Variants in LCORL observed in about 807,000 individuals in gnomAD.
The protein encoded by LCORL is ligand dependent nuclear receptor corepressor like.
Under a neutral mutation model 141.8 loss-of-function variants are expected in LCORL, and 41 were observed. The observed-to-expected ratio is 0.29, with a 90% CI of 0.23 to 0.38. LCORL has a LOEUF of 0.38. LCORL is among the 10% of genes least tolerant of loss of function. The pLI is 1.00. For missense variants in LCORL, 1,759 were observed against 2,035.0 expected, an observed-to-expected ratio of 0.86 and a Z score of 2.61; for synonymous variants, 618 against 694.1, an observed-to-expected ratio of 0.89 and a Z score of 1.72.
At chr4:17,919,036 T>C (rs1197642002) in intron 4 of LCORL, among the ~76,000 whole-genome samples, 1 of 151,862 alleles carries the variant, frequency 6.6e-6, no homozygotes, top group African/African-American at 2.4e-5. Flanking sequence ...AAGGCCTGAG[T>C]TATTTTCTAA....
chr4:17,885,408 A>T (rs958638090), intron 6 of LCORL, among the ~76,000 whole-genome samples: 1 of 152,004 alleles, frequency 6.6e-6, no homozygotes, highest in African/African-American at 2.4e-5. Flanking sequence ...AAATACTACT[A>T]CAGCCGTAGT....
rs1577221217 is a variant in LCORL, at chr4:17,843,487, A to T, written c.*2401T>A. ...CCAGTTATTTGCTTTAATAAAGAAG[A>T]AGTTACCCTTGTCAAAATCAGAACA... is the stretch of plus-strand genomic sequence containing the variant. On this transcript the variant is annotated 3_prime_UTR_variant, in exon 8 of 8. Transcript: ENST00000635767. 1.3e-5 allele frequency: 20 copies of T among 1,563,574 alleles called. No individual in the cohort carries two copies. The East Asian group carries it at 3.6e-4, about 28-fold the overall frequency.
In LCORL at chr4:17,880,392, AT is replaced by A. The variant is rs1012286623; in HGVS notation, c.777-2180del. 1.7e-4 allele frequency: 145 copies of A among 838,040 alleles called. No individual in the cohort carries two copies. The East Asian group carries it at 3.2e-3, about 19-fold the overall frequency. The allele number at this position is 838,040 out of a possible 1,614,324, so 51.9% of individuals were successfully genotyped here. On this transcript the variant is annotated intron_variant, in intron 6 of 7. Coordinates refer to ENST00000635767, the Ensembl canonical transcript of LCORL. ...TGATTATATAAGGTTCTAAAATTGTATTTTTTTTGTAGATCCTTTGCTTTTA... is the reference window on the plus strand; with the variant it reads ...TGATTATATAAGGTTCTAAAATTGTATTTTTTTGTAGATCCTTTGCTTTTA...
chr4:17,921,460 A>T, intron 4 of LCORL, among the ~76,000 whole-genome samples: 1 of 152,240 alleles, frequency 6.6e-6, no homozygotes, highest in Non-Finnish European at 1.5e-5. Context: ...CTTTTATAAT[A>T]AAACTTGAAA....
intron 4 of LCORL, among the ~76,000 whole-genome samples, chr4:17,923,822 C>T (rs932720729): frequency 1.3e-5 from 2 of 152,138 alleles, no homozygotes; most frequent in Non-Finnish European, 2.9e-5. Flanking sequence ...AAGACATACT[C>T]TTGACCAATA....
chr4:17,909,768 A>C (rs1340915533), intron 4 of LCORL, among the ~76,000 whole-genome samples: 1 of 152,098 alleles, frequency 6.6e-6, no homozygotes, highest in Non-Finnish European at 1.5e-5. Context: ...AAAACGTCTA[A>C]ATTCTTATAA....
chr4:17,876,939 C>G, exon 7 of LCORL: 1 of 1,230,606 alleles, frequency 8.1e-7, no homozygotes, highest in Non-Finnish European at 1.0e-6. Flanking sequence ...ATGATTTTTA[C>G]CTTGAAGTCT....
exon 8 of LCORL, chr4:17,842,496 T>A (rs773352492): frequency 3.1e-4 from 241 of 783,236 alleles, no homozygotes; most frequent in Non-Finnish European, 4.5e-4. Context: ...TAGTGAAAAC[T>A]ATAAATAGCT....
chr4:17,883,033 T>C (rs1229385067), intron 6 of LCORL: 2 of 978,008 alleles, frequency 2.0e-6, no homozygotes, highest in Non-Finnish European at 2.4e-6. Context: ...ATGTGTCAGT[T>C]TTTTTAAAGT....
intron 7 of LCORL, among the ~76,000 whole-genome samples, chr4:17,861,737 G>A (rs1725040414): frequency 1.3e-5 from 2 of 152,128 alleles, no homozygotes; most frequent in South Asian, 2.1e-4. Flanking sequence ...CAGCACCCAA[G>A]TTTCCTCTTG....
At chr4:18,017,747 G>C (rs762366921) in intron 1 of LCORL, among the ~76,000 whole-genome samples, 2 of 152,018 alleles carry the variant, frequency 1.3e-5, no homozygotes, top group African/African-American at 2.4e-5. Flanking sequence ...CCCAGAATAA[G>C]AGGAAAAAAA....
At chr4:17,848,604 C>G (rs1267672110) in intron 7 of LCORL, among the ~76,000 whole-genome samples, 3 of 152,244 alleles carry the variant, frequency 2.0e-5, no homozygotes, top group Non-Finnish European at 4.4e-5. Context: ...GTGAGCGACG[C>G]AGAAGACGAG....
intron 1 of LCORL, among the ~76,000 whole-genome samples, chr4:18,015,377 C>A (rs1036050435): frequency 3.3e-5 from 5 of 152,040 alleles, no homozygotes; most frequent in Non-Finnish European, 5.9e-5. Context: ...CTGCTTGGTT[C>A]CAAAAATGGC....
At chr4:17,883,768 C>T in intron 6 of LCORL, 2 of 1,547,642 alleles carry the variant, frequency 1.3e-6, no homozygotes, top group Admixed American at 2.0e-5. Flanking sequence ...CTGAATCTGT[C>T]ATATTATATA....
rs184808981 is a variant in LCORL, at chr4:17,994,392, G to A, written c.155-21507C>T. On this transcript the variant is annotated intron_variant, in intron 1 of 7. Transcript: ENST00000635767. ...AACCCTATAAAATGTGGATACTTCA[G>A]GTATTCACAGAAGCTGTTTAATCAG... is the stretch of plus-strand genomic sequence containing the variant. Among the ~76,000 whole-genome samples, 24 of 152,150 alleles carry A rather than the reference G, an allele frequency of 1.6e-4. 1 individual carries two copies. In the East Asian group the frequency reaches 3.9e-3, roughly 25 times the overall value.
intron 7 of LCORL, among the ~76,000 whole-genome samples, chr4:17,850,061 GA>G (rs1723448795): frequency 6.7e-6 from 1 of 150,020 alleles, no homozygotes; most frequent in South Asian, 2.1e-4. Context: ...ATGGTGCTGG[GA>G]AAACTGGCTA....
At chr4:17,960,411 T>C (rs922713170) in intron 4 of LCORL, 12 of 154,430 alleles carry the variant, frequency 7.8e-5, no homozygotes, top group African/African-American at 2.2e-4. Context: ...TTATTGATAA[T>C]TCTAGTTATT....
At chr4:17,883,894 G>A (rs1475992777) in intron 6 of LCORL, 2 of 1,550,364 alleles carry the variant, frequency 1.3e-6, no homozygotes, top group African/African-American at 1.4e-5. Context: ...CTTGTGCTTT[G>A]GAAACACTCA....
At chr4:17,937,546 C>T (rs560670752) in intron 4 of LCORL, among the ~76,000 whole-genome samples, 22 of 152,180 alleles carry the variant, frequency 1.4e-4, no homozygotes, top group Non-Finnish European at 2.9e-4. Flanking sequence ...CTTCCCTTAC[C>T]GAAACCTCCT....
Sources: gnomAD v4.1 joint callset for allele counts (sites outside exome capture counted in the v4.1 genomes callset) on GRCh38, gnomAD v4.1.1 for gene constraint, MANE v1.5 for transcripts, NCBI Gene and HGNC (gene_info 2026-07-23, HGNC 2026-07-21) for gene names.